DOCK8: variants seen among roughly 807,000 people sequenced by gnomAD.
DOCK8 encodes the protein dedicator of cytokinesis 8, also known as dedicator of cytokinesis protein 8.
A neutral mutation model predicts 245.6 loss-of-function variants in DOCK8; 141 were observed. The observed-to-expected ratio is 0.57, with a 90% CI of 0.50 to 0.66. DOCK8 has a LOEUF of 0.66. Ranked by LOEUF, DOCK8 falls within the 30% of genes least tolerant of loss-of-function variation. The probability of loss-of-function intolerance (pLI) is 0.00; values close to 1 mark genes in which losing one functional copy is unlikely to be tolerated. For missense variants in DOCK8, 2,965 were observed against 2,603.4 expected, an observed-to-expected ratio of 1.14 and a Z score of -3.02; for synonymous variants, 1,168 against 970.2, an observed-to-expected ratio of 1.20 and a Z score of -3.79.
chr9:448,191 C>T (rs904540668), intron 44 of DOCK8, among the ~76,000 whole-genome samples: 6 of 152,116 alleles, frequency 3.9e-5, no homozygotes, highest in Non-Finnish European at 2.9e-5. Flanking sequence ...CTCCTGGGCT[C>T]GAGCAATTTT....
Position 396,845 on chromosome 9 carries a change from C to G in DOCK8, c.3031C>G (p.Arg1011Gly). ...MDKRDSFRRTRFSDRFMDDIT... is the reference protein window; with the variant it reads ...MDKRDSFRRTGFSDRFMDDIT... ...CAAACGGGACAGTTTTCGGAGGACT[C>G]GTTTTTCTGACCGTTTCATGGATGA... is the stretch of plus-strand genomic sequence containing the variant. The change falls in exon 25 of 48, where the codon CGT becomes GGT. Residue 1011 changes from arginine (R) to glycine (G), a missense_variant. Arg to Gly is a moderately radical substitution (Grantham distance 125, BLOSUM62 -2). Coordinates refer to ENST00000432829, the MANE Select transcript of DOCK8 (RefSeq NM_203447.4). The G allele has an allele frequency of 6.2e-7, 1 of 1,614,130 alleles. No individual in the cohort carries two copies. The highest frequency in any genetic ancestry group is 1.1e-5 in the South Asian group (1 of 91,080).
intron 1 of DOCK8, among the ~76,000 whole-genome samples, chr9:263,663 T>C (rs1298157107): frequency 6.6e-6 from 1 of 152,224 alleles, no homozygotes; most frequent in East Asian, 1.9e-4. Context: ...CTCTCCATTT[T>C]TGTTTATCTG....
At chr9:306,014 G>A (rs568496857) in intron 5 of DOCK8, among the ~76,000 whole-genome samples, 6 of 152,282 alleles carry the variant, frequency 3.9e-5, no homozygotes, top group African/African-American at 1.4e-4. Context: ...GGATGCTGGT[G>A]ATGGTTATAC....
chr9:390,698 C>A, intron 24 of DOCK8, 132 bp downstream of exon 24: 2 of 792,322 alleles, frequency 2.5e-6, no homozygotes, highest in East Asian at 2.6e-5. Flanking sequence ...CTAATAATCT[C>A]TCACCCCTCC....
intron 1 of DOCK8, among the ~76,000 whole-genome samples, chr9:225,061 A>G (rs1351977294): frequency 6.6e-6 from 1 of 152,134 alleles, no homozygotes; most frequent in East Asian, 1.9e-4. Context: ...TCTGTCCAAT[A>G]ATTTCACTCA....
chr9:390,701 A>C, intron 24 of DOCK8, 135 bp downstream of exon 24: 1 of 785,098 alleles, frequency 1.3e-6, no homozygotes, highest in Non-Finnish European at 2.2e-6. Flanking sequence ...ATAATCTCTC[A>C]CCCCTCCCAT....
intron 1 of DOCK8, among the ~76,000 whole-genome samples, chr9:266,775 C>G (rs2048043917): frequency 6.6e-6 from 1 of 152,134 alleles, no homozygotes; most frequent in Non-Finnish European, 1.5e-5. Flanking sequence ...TCCCAAGGCT[C>G]CCTTCCGGGA....
At chr9:276,952 G>A in intron 2 of DOCK8, 1 of 328,130 alleles carries the variant, frequency 3.0e-6, no homozygotes, top group Non-Finnish European at 6.4e-6. Flanking sequence ...GGGACCACAG[G>A]CGCACCATTG....
intron 2 of DOCK8, among the ~76,000 whole-genome samples, chr9:285,882 C>T (rs940841136): frequency 6.6e-6 from 1 of 152,284 alleles, no homozygotes; most frequent in East Asian, 1.9e-4. Flanking sequence ...CCAGTCGCCC[C>T]AGTGACATTT....
At chr9:287,585 G>A (rs2048873429) in intron 3 of DOCK8, among the ~76,000 whole-genome samples, 1 of 151,998 alleles carries the variant, frequency 6.6e-6, no homozygotes, top group Non-Finnish European at 1.5e-5. Flanking sequence ...GATGATAATG[G>A]GCTGGTATTA....
chr9:392,655 C>A lies in DOCK8; in HGVS notation c.2970+2089C>A, dbSNP rs78685562. On this transcript the variant is annotated intron_variant, in intron 24 of 47. Transcript: ENST00000432829. ...TTTTGGAATTTGTACTCAGACAACA[C>A]CAGAATTTTTTTTTCATTCCAAAAG... 8.7e-3 allele frequency among the ~76,000 whole-genome samples: 1,317 copies of A among 151,822 alleles called. 18 individuals carry two copies. The highest frequency in any genetic ancestry group is 0.031 in the African/African-American group (1,270 of 41,370).
At chr9:279,137 A>G (rs1419478047) in intron 2 of DOCK8, among the ~76,000 whole-genome samples, 1 of 152,158 alleles carries the variant, frequency 6.6e-6, no homozygotes, top group Non-Finnish European at 1.5e-5. Context: ...AAGAAGCAAG[A>G]TTGACTTTAA....
Position 414,934 on chromosome 9 carries a change from A to G in DOCK8, c.3683A>G (p.Gln1228Arg). ...LVGIILDALP[Q>R]LCDFTVADTR... ...GGCATCATTTTGGATGCTTTGCCAC[A>G]GCTCTGTGACTTTACAGGTAATGGC... Residue 1228 changes from glutamine (Q) to arginine (R), a missense_variant, in exon 29 of 48, where the codon CAG (glutamine) becomes CGG (arginine). Physicochemically the swap from Gln to Arg is conservative, Grantham distance 43. Around this residue, in one of 3 missense-constraint regions of DOCK8, gnomAD observed 2,825 missense variants for 2,453.5 expected, o/e 1.15. Transcript: ENST00000432829. 6.2e-7 allele frequency: 1 copy of G among 1,613,830 alleles called. No individual in the cohort carries two copies. The highest frequency in any genetic ancestry group is 8.5e-7 in the Non-Finnish European group (1 of 1,180,028).
intron 1 of DOCK8, among the ~76,000 whole-genome samples, chr9:231,900 G>A (rs977656959): frequency 1.3e-5 from 2 of 152,068 alleles, no homozygotes; most frequent in African/African-American, 4.8e-5. Context: ...TCCTTCTCCT[G>A]CCTGATTGCC....
At position 434,806 on chromosome 9, in the gene DOCK8, C is replaced by T; in HGVS notation, c.4910C>T (p.Ser1637Phe). The T allele has an allele frequency of 6.2e-7, 1 of 1,614,158 alleles. No homozygotes were observed. Among genetic ancestry groups the T allele is most frequent in the Non-Finnish European group, 8.5e-7 (1 of 1,180,034 alleles). Reference sequence around the variant, plus strand: ...AGAATTGCCAAGAGTTACCAGGCATCTCCTGATCTGCGGCTGACCTGGCTC... The same window carrying T: ...AGAATTGCCAAGAGTTACCAGGCATTTCCTGATCTGCGGCTGACCTGGCTC... ...MYRIAKSYQA[S>F]PDLRLTWLQN... is the part of the protein sequence containing the mutation. The change falls in exon 39 of 48, where the codon TCT becomes TTT. Residue 1637 changes from serine to phenylalanine, a missense_variant. This residue lies in a region of DOCK8 where 2,825 missense variants were observed against 2,453.5 expected (regional missense o/e 1.15). Coordinates refer to ENST00000432829, the MANE Select transcript of DOCK8 (RefSeq NM_203447.4).
At chr9:387,481 T>C (rs2131333156) in intron 23 of DOCK8, among the ~76,000 whole-genome samples, 1 of 151,990 alleles carries the variant, frequency 6.6e-6, no homozygotes, top group South Asian at 2.1e-4. Context: ...AATATGCTTA[T>C]TGCAAAGGAT....
At chr9:397,048 T>A in intron 25 of DOCK8, 114 bp downstream of exon 25, 2 of 1,279,880 alleles carry the variant, frequency 1.6e-6, no homozygotes, top group Non-Finnish European at 1.1e-6. Context: ...ATAACTGTAA[T>A]GACAGTTAAA....
chr9:265,641 A>G (rs1423610787), intron 1 of DOCK8, among the ~76,000 whole-genome samples: 2 of 152,206 alleles, frequency 1.3e-5, no homozygotes, highest in African/African-American at 4.8e-5. Flanking sequence ...CAGTTTTAAA[A>G]TCCATCCAGC....
At chr9:455,721 C>A (rs2057616407) in intron 46 of DOCK8, among the ~76,000 whole-genome samples, 1 of 152,016 alleles carries the variant, frequency 6.6e-6, no homozygotes, top group East Asian at 1.9e-4. Context: ...ATCTCTTAGG[C>A]CATCCTTATC....
Sources: gnomAD v4.1 joint callset for allele counts (sites outside exome capture counted in the v4.1 genomes callset) on GRCh38, gnomAD v4.1.1 for gene constraint, gnomAD v4.1.1 regional missense constraint, MANE v1.5 for transcripts, NCBI Gene and HGNC (gene_info 2026-07-23, HGNC 2026-07-21) for gene names.